The following NETO2 variants were observed in gnomAD, a reference collection of about 807,000 sequenced individuals.
NETO2 encodes neuropilin and tolloid-like protein 2.
In NETO2, 28 loss-of-function variants were observed where a neutral mutation model predicts 62.5. The ratio of observed to expected loss-of-function variants is 0.45; its 90% CI spans 0.33 to 0.61. The LOEUF is 0.61. Ranked by LOEUF, NETO2 falls within the 20% of genes least tolerant of loss-of-function variation. NETO2 has a pLI of 0.02. For missense variants in NETO2, 548 were observed against 643.2 expected (o/e 0.85, Z 1.60); for synonymous variants, 214 against 219.1 (o/e 0.98, Z 0.21).
At chr16:47,141,131 T>G (rs1482893950) in intron 1 of NETO2, among the ~76,000 whole-genome samples, 1 of 152,238 alleles carries the variant, frequency 6.6e-6, no homozygotes, top group Non-Finnish European at 1.5e-5. Flanking sequence ...AAAACAAGAA[T>G]AATCAGTGGC....
chr16:47,118,638 ATT>A (rs764697398), intron 6 of NETO2, among the ~76,000 whole-genome samples: 1 of 152,226 alleles, frequency 6.6e-6, no homozygotes, highest in African/African-American at 2.4e-5. Context: ...AGTCTAAAAC[ATT>A]TGTTAAAATT....
intron 1 of NETO2, among the ~76,000 whole-genome samples, chr16:47,135,430 T>G (rs1964347114): frequency 6.6e-6 from 1 of 152,236 alleles, no homozygotes; most frequent in African/African-American, 2.4e-5. Flanking sequence ...AAAATAATTC[T>G]AAACTCTTTA....
At chr16:47,097,294 A>G (rs944893246) in intron 7 of NETO2, among the ~76,000 whole-genome samples, 2 of 152,204 alleles carry the variant, frequency 1.3e-5, no homozygotes, top group African/African-American at 4.8e-5. Flanking sequence ...CACTGCCAGC[A>G]CAGCAGTCTG....
At position 47,143,728 on chromosome 16, in the gene NETO2, C is replaced by T; in HGVS notation, c.-116G>A. On this transcript the variant is annotated 5_prime_UTR_variant, in exon 1 of 9. Coordinates refer to ENST00000562435, the MANE Select transcript of NETO2 (RefSeq NM_018092.5). ...CTCCGTCCCCATCGCCGGCCAGCAG[C>T]TGCCTCCCCGCTCCCCTGAGGAGAG... The T allele has an allele frequency of 5.1e-6, 6 of 1,177,064 alleles. No individual in the cohort carries two copies. The South Asian group carries it at 1.3e-4, about 25-fold the overall frequency. 72.9% of individuals were successfully genotyped at this position (1,177,064 alleles called of 1,614,324 possible). A position where few individuals can be genotyped will look rare whatever the true frequency, so the allele number is the denominator to read the frequency against.
intron 1 of NETO2, among the ~76,000 whole-genome samples, chr16:47,132,874 A>T (rs1382835943): frequency 6.6e-6 from 1 of 152,218 alleles, no homozygotes; most frequent in Non-Finnish European, 1.5e-5. Flanking sequence ...TCATGAATCT[A>T]GGCTAGGGTT....
At chr16:47,108,072 G>A (rs887227059) in intron 7 of NETO2, among the ~76,000 whole-genome samples, 24 of 151,912 alleles carry the variant, frequency 1.6e-4, no homozygotes, top group South Asian at 2.1e-4. Flanking sequence ...CACGATGCCC[G>A]GTCACAATAA....
chr16:47,138,912 G>C (rs1360555070), intron 1 of NETO2, among the ~76,000 whole-genome samples: 1 of 152,194 alleles, frequency 6.6e-6, no homozygotes, highest in African/African-American at 2.4e-5. Context: ...GCTAATTCTT[G>C]CCTCAGGAAC....
chr16:47,132,106 C>CA, intron 1 of NETO2, 81 bp from the exon 2 acceptor site: 3 of 1,055,244 alleles, frequency 2.8e-6, no homozygotes, highest in East Asian at 2.5e-5. Flanking sequence ...AATTGGATGA[C>CA]AAAAAAAGAT....
intron 7 of NETO2, among the ~76,000 whole-genome samples, chr16:47,095,995 A>G (rs1239253047): frequency 1.3e-5 from 2 of 152,198 alleles, no homozygotes; most frequent in Non-Finnish European, 2.9e-5. Flanking sequence ...AGATATCAAC[A>G]ACTGAAGGAA....
At chr16:47,124,641 G>A (rs548994986) in intron 4 of NETO2, among the ~76,000 whole-genome samples, 27 of 152,066 alleles carry the variant, frequency 1.8e-4, no homozygotes, top group Admixed American at 7.9e-4. Context: ...TTTTAATAAG[G>A]CTTTTCTCCA....
intron 6 of NETO2, among the ~76,000 whole-genome samples, chr16:47,117,491 C>CA (rs560268986): frequency 2.8e-4 from 43 of 152,296 alleles, no homozygotes; most frequent in Admixed American, 7.2e-4. Context: ...TTAAATAACA[C>CA]AAACGTTAGG....
chr16:47,094,403 T>TATTTA (rs1963384663), intron 7 of NETO2, among the ~76,000 whole-genome samples: 1 of 151,324 alleles, frequency 6.6e-6, no homozygotes, highest in African/African-American at 2.4e-5. Flanking sequence ...GGAAGGTTTG[T>TATTTA]TTTATTTATT....
intron 3 of NETO2, among the ~76,000 whole-genome samples, 174 bp from the exon 4 acceptor site, chr16:47,128,747 A>C (rs1305940494): frequency 6.6e-6 from 1 of 152,150 alleles, no homozygotes; most frequent in Non-Finnish European, 1.5e-5. Flanking sequence ...AAATAATGCT[A>C]CTCTGTAGAA....
intron 7 of NETO2, among the ~76,000 whole-genome samples, chr16:47,104,102 A>G (rs1963617307): frequency 6.6e-6 from 1 of 152,160 alleles, no homozygotes; most frequent in African/African-American, 2.4e-5. Context: ...AGACAACACA[A>G]TCTTATATGC....
chr16:47,107,115 A>G (rs953907771), intron 7 of NETO2, among the ~76,000 whole-genome samples: 1 of 152,228 alleles, frequency 6.6e-6, no homozygotes, highest in African/African-American at 2.4e-5. Context: ...CATAAAGTGT[A>G]AAAGAATAAT....
At chr16:47,129,709 T>C (rs999618644) in intron 2 of NETO2, among the ~76,000 whole-genome samples, 8 of 152,196 alleles carry the variant, frequency 5.3e-5, no homozygotes, top group Non-Finnish European at 7.3e-5. Context: ...TGATCTCTGA[T>C]ATGGGGCCCT....
intron 1 of NETO2, among the ~76,000 whole-genome samples, chr16:47,140,354 T>C (rs983997542): frequency 6.6e-6 from 1 of 152,220 alleles, no homozygotes; most frequent in Non-Finnish European, 1.5e-5. Flanking sequence ...GGAGCGTAAG[T>C]TGAAAAATGA....
chr16:47,117,341 T>C (rs114278052), intron 6 of NETO2, among the ~76,000 whole-genome samples: 300 of 152,364 alleles, frequency 2.0e-3, no homozygotes, highest in African/African-American at 6.9e-3. Flanking sequence ...TGTGCAGGTA[T>C]TGCTTTTTGT....
chr16:47,096,230 GTTTAAC>G (rs1188334730), intron 7 of NETO2, among the ~76,000 whole-genome samples: 3 of 152,068 alleles, frequency 2.0e-5, no homozygotes, highest in African/African-American at 7.2e-5. Flanking sequence ...TAGATCAATA[GTTTAAC>G]TTTATACCTT....
Sources: gnomAD v4.1 joint callset for allele counts (sites outside exome capture counted in the v4.1 genomes callset) on GRCh38, gnomAD v4.1.1 for gene constraint, MANE v1.5 for transcripts, NCBI Gene and HGNC (gene_info 2026-07-23, HGNC 2026-07-21) for gene names.